Variants in GPC5 observed in about 807,000 individuals in gnomAD.
The protein encoded by GPC5 is glypican 5.
In GPC5, 47 loss-of-function variants were observed where a neutral mutation model predicts 53.9. The observed-to-expected ratio is 0.87, with a 90% CI of 0.69 to 1.11. The LOEUF (loss-of-function observed/expected upper bound fraction) is 1.11. GPC5 is among the 50% of genes most tolerant of loss of function. GPC5 has a pLI of 0.00. For missense variants in GPC5, 748 were observed against 713.1 expected, an observed-to-expected ratio of 1.05 and a Z score of -0.56; for synonymous variants, 286 against 263.3, an observed-to-expected ratio of 1.09 and a Z score of -0.84.
chr13:92,481,096 A>AT (rs1323961940), intron 7 of GPC5, among the ~76,000 whole-genome samples: 2 of 131,504 alleles, frequency 1.5e-5, no homozygotes, highest in Non-Finnish European at 3.4e-5. Context: ...TAATTTTTAT[A>AT]TTTTTTTGCA....
At chr13:92,411,110 A>C (rs966077352) in intron 7 of GPC5, among the ~76,000 whole-genome samples, 3 of 152,144 alleles carry the variant, frequency 2.0e-5, no homozygotes, top group Non-Finnish European at 4.4e-5. Context: ...CAAAAAAACA[A>C]AACAAAAAAA....
At chr13:92,651,242 T>C (rs1181889452) in intron 7 of GPC5, among the ~76,000 whole-genome samples, 1 of 96,236 alleles carries the variant, frequency 1.0e-5, no homozygotes. Context: ...ATATGAAAAT[T>C]GAAAAAAAAA....
chr13:92,531,469 G>GTA (rs925841873), intron 7 of GPC5, among the ~76,000 whole-genome samples: 1 of 151,474 alleles, frequency 6.6e-6, no homozygotes, highest in Non-Finnish European at 1.5e-5. Flanking sequence ...ACATATTTCT[G>GTA]TATATATATT....
chr13:92,500,103 C>T (rs2138930258), intron 7 of GPC5, among the ~76,000 whole-genome samples: 1 of 152,252 alleles, frequency 6.6e-6, no homozygotes, highest in East Asian at 1.9e-4. Context: ...AAGATGGAAG[C>T]AGGCATCAGC....
At chr13:91,928,916 T>G (rs1234731266) in intron 6 of GPC5, among the ~76,000 whole-genome samples, 1 of 152,130 alleles carries the variant, frequency 6.6e-6, no homozygotes, top group Admixed American at 6.6e-5. Flanking sequence ...CATTTAAAAT[T>G]TTTACTCCAG....
chr13:92,153,493 A>G (rs557883254), intron 7 of GPC5, among the ~76,000 whole-genome samples: 4 of 152,172 alleles, frequency 2.6e-5, no homozygotes, highest in Non-Finnish European at 4.4e-5. Flanking sequence ...TAACTCATTT[A>G]TGTATGTATT....
At chr13:91,751,294 G>C (rs1214187923) in intron 4 of GPC5, among the ~76,000 whole-genome samples, 1 of 152,098 alleles carries the variant, frequency 6.6e-6, no homozygotes, top group African/African-American at 2.4e-5. Flanking sequence ...TCTCTCTTTT[G>C]CAGAATTTCT....
At chr13:91,771,365 G>A (rs4771845) in intron 5 of GPC5, among the ~76,000 whole-genome samples, 47,973 of 151,870 alleles carry the variant, frequency 0.32, 9,140 homozygotes, top group East Asian at 0.64. Context: ...TAGAGGGGAA[G>A]CTATTCTTGC....
chr13:92,621,009 C>T (rs1206706142), intron 7 of GPC5, among the ~76,000 whole-genome samples: 1 of 152,180 alleles, frequency 6.6e-6, no homozygotes, highest in Admixed American at 6.5e-5. Flanking sequence ...GTAAAATTCT[C>T]ATTTCACCAT....
chr13:91,470,384 G>A (rs1594130650), intron 2 of GPC5, among the ~76,000 whole-genome samples: 2 of 152,080 alleles, frequency 1.3e-5, no homozygotes, highest in Admixed American at 6.6e-5. Flanking sequence ...TTACAAATGG[G>A]GATTAGACTG....
At chr13:92,631,182 G>A (rs1356528170) in intron 7 of GPC5, among the ~76,000 whole-genome samples, 1 of 151,884 alleles carries the variant, frequency 6.6e-6, no homozygotes, top group Non-Finnish European at 1.5e-5. Context: ...ATGAGAAAAT[G>A]CTTGTCAATG....
At chr13:92,075,771 G>A (rs1319933329) in intron 6 of GPC5, among the ~76,000 whole-genome samples, 1 of 152,000 alleles carries the variant, frequency 6.6e-6, no homozygotes, top group Non-Finnish European at 1.5e-5. Context: ...TAAGTGATTT[G>A]TTGCATTTTA....
intron 2 of GPC5, among the ~76,000 whole-genome samples, chr13:91,509,198 G>A (rs1284771123): frequency 1.3e-5 from 2 of 151,848 alleles, no homozygotes; most frequent in Admixed American, 1.3e-4. Context: ...TGCAGGTATA[G>A]TAGTGAGCAC....
intron 7 of GPC5, among the ~76,000 whole-genome samples, chr13:92,500,585 C>CA (rs1322093377): frequency 6.6e-6 from 1 of 152,098 alleles, no homozygotes; most frequent in Non-Finnish European, 1.5e-5. Flanking sequence ...GAGGCTTTTG[C>CA]AAAAACCTTC....
chr13:91,498,919 G>A lies in GPC5; in HGVS notation c.325+49997G>A, dbSNP rs182720598. 4.5e-4 allele frequency among the ~76,000 whole-genome samples: 68 copies of A among 151,826 alleles called. No homozygotes were observed. In the South Asian group the frequency reaches 5.6e-3, roughly 13 times the overall value. The stretch of plus-strand genomic sequence containing the variant: ...CTGGGAGGCAGAGGTTGCAGTGAGC[G>A]AAGATCTTACCACTGCACTCCAGCC... On this transcript the variant is annotated intron_variant, in intron 2 of 7. Coordinates refer to ENST00000377067, the MANE Select transcript of GPC5 (RefSeq NM_004466.6).
intron 1 of GPC5, among the ~76,000 whole-genome samples, chr13:91,414,047 C>T (rs1425011211): frequency 1.3e-5 from 2 of 152,184 alleles, no homozygotes; most frequent in Non-Finnish European, 2.9e-5. Flanking sequence ...CATTGGAAGC[C>T]ATTTCCCCCA....
At chr13:92,335,897 T>A (rs61147497) in intron 7 of GPC5, among the ~76,000 whole-genome samples, 4,072 of 152,270 alleles carry the variant, frequency 0.027, 163 homozygotes, top group African/African-American at 0.092. Flanking sequence ...AACCTCTTCA[T>A]GTCTTCTGAG....
chr13:92,129,032 G>A (rs1438730718), intron 6 of GPC5, among the ~76,000 whole-genome samples: 2 of 152,122 alleles, frequency 1.3e-5, no homozygotes, highest in African/African-American at 2.4e-5. Context: ...CTCATTGCAA[G>A]GGAGAGAGCC....
chr13:91,972,713 C>A (rs1246751743), intron 6 of GPC5, among the ~76,000 whole-genome samples: 2 of 152,084 alleles, frequency 1.3e-5, no homozygotes, highest in Non-Finnish European at 2.9e-5. Context: ...TTTTATTTCT[C>A]CTTCACTTGT....
Sources: allele counts gnomAD v4.1 joint callset (sites outside exome capture counted in the v4.1 genomes callset), GRCh38; gene constraint gnomAD v4.1.1; transcripts MANE v1.5; gene names NCBI Gene and HGNC (gene_info 2026-07-23, HGNC 2026-07-21).